RAD54B: variants seen among roughly 807,000 people sequenced by gnomAD.
RAD54B encodes the protein DNA repair and recombination protein RAD54B.
Under a neutral mutation model 95.8 loss-of-function variants are expected in RAD54B, and 78 were observed. That is an observed-to-expected ratio of 0.81 (90% CI 0.68 to 0.98). The LOEUF is 0.98. Among genes scored for constraint, RAD54B ranks in the 50% least tolerant of loss-of-function variants. The probability of loss-of-function intolerance (pLI) is 0.00; values close to 1 mark genes in which losing one functional copy is unlikely to be tolerated. For missense variants in RAD54B, 957 were observed against 1,056.6 expected, an observed-to-expected ratio of 0.91 and a Z score of 1.31; for synonymous variants, 328 against 354.9, an observed-to-expected ratio of 0.92 and a Z score of 0.85.
chr8:94,422,108 C>T (rs1045653188), intron 3 of RAD54B, among the ~76,000 whole-genome samples: 5 of 152,094 alleles, frequency 3.3e-5, no homozygotes, highest in African/African-American at 1.2e-4. Flanking sequence ...ATTACCTCAA[C>T]ATTATCTCAA....
chr8:94,454,969 C>T (rs1563663740), intron 3 of RAD54B, among the ~76,000 whole-genome samples: 1 of 152,094 alleles, frequency 6.6e-6, no homozygotes, highest in South Asian at 2.1e-4. Flanking sequence ...TTTAATCTTC[C>T]ACTCTTCACT....
At chr8:94,381,305 G>C (rs1563635149) in intron 11 of RAD54B, among the ~76,000 whole-genome samples, 1 of 152,156 alleles carries the variant, frequency 6.6e-6, no homozygotes, top group Non-Finnish European at 1.5e-5. Flanking sequence ...TCCACAGATA[G>C]GGAGTCCCCA....
intron 3 of RAD54B, among the ~76,000 whole-genome samples, chr8:94,411,751 T>C (rs1373282849): frequency 4.4e-5 from 5 of 114,832 alleles, no homozygotes; most frequent in African/African-American, 1.3e-4. Flanking sequence ...GAAATTTTTG[T>C]TTATTTAATT....
At chr8:94,422,618 ATATATATATATATATATATAT>A (rs1349836725) in intron 3 of RAD54B, among the ~76,000 whole-genome samples, 1 of 24,140 alleles carries the variant, frequency 4.1e-5, no homozygotes, top group Non-Finnish European at 6.8e-5. Context: ...AAAAAAAAAA[ATATATATATATATATATATAT>A]ATATATATAT....
chr8:94,417,494 AACTG>A (rs1299409176), intron 3 of RAD54B, among the ~76,000 whole-genome samples: 1 of 151,420 alleles, frequency 6.6e-6, no homozygotes, highest in Non-Finnish European at 1.5e-5. Context: ...AAAAAAAAAA[AACTG>A]ACCACAGTAA....
chr8:94,471,370 T>A (rs1813168331), intron 1 of RAD54B, among the ~76,000 whole-genome samples: 1 of 152,134 alleles, frequency 6.6e-6, no homozygotes, highest in Non-Finnish European at 1.5e-5. Flanking sequence ...CTCATTCTAA[T>A]TTTTACAAAA....
chr8:94,439,477 T>A (rs1372035951), intron 3 of RAD54B, among the ~76,000 whole-genome samples: 1 of 152,198 alleles, frequency 6.6e-6, no homozygotes, highest in Non-Finnish European at 1.5e-5. Flanking sequence ...TCAAACTCTG[T>A]ATAAAATATT....
intron 8 of RAD54B, among the ~76,000 whole-genome samples, chr8:94,399,051 T>C (rs780157269): frequency 6.6e-6 from 1 of 152,152 alleles, no homozygotes; most frequent in Non-Finnish European, 1.5e-5. Flanking sequence ...CAAAGTTAGA[T>C]GGTATTATCA....
chr8:94,391,189 T>C (rs1811008147), intron 10 of RAD54B, among the ~76,000 whole-genome samples: 1 of 152,132 alleles, frequency 6.6e-6, no homozygotes, highest in African/African-American at 2.4e-5. Flanking sequence ...CTGAATTTTC[T>C]AAATTTTATG....
Position 94,380,263 on chromosome 8 carries a change from T to C in RAD54B, c.2129A>G (p.His710Arg), listed in dbSNP as rs1469522083. The change falls in exon 12 of 15, where the codon CAC (histidine) becomes CGC (arginine). Residue 710 changes from histidine (H) to arginine (R), a missense_variant. His to Arg is a conservative substitution (Grantham distance 29). Transcript: ENST00000336148. ...QQIVDGFNSQ[H>R]SSFFIFLLSS... is the part of the protein sequence containing the mutation. The stretch of plus-strand genomic sequence containing the variant: ...TAACAAAAAAATAAAAAAAGAAGAG[T>C]GTTGACTGTTAAAGCCATCAACAAT... The C allele has an allele frequency of 6.2e-7, 1 of 1,613,882 alleles. No individual in the cohort carries two copies. Among genetic ancestry groups the C allele is most frequent in the Admixed American group, 1.7e-5 (1 of 60,008 alleles).
intron 5 of RAD54B, among the ~76,000 whole-genome samples, chr8:94,404,744 T>C (rs1448231477): frequency 6.6e-6 from 1 of 152,182 alleles, no homozygotes; most frequent in Non-Finnish European, 1.5e-5. Context: ...GAAAAAATGA[T>C]AAATTCTCCA....
At chr8:94,394,011 GC>G in intron 8 of RAD54B, 129 bp from the exon 9 acceptor site, 1 of 824,116 alleles carries the variant, frequency 1.2e-6, no homozygotes. Flanking sequence ...CAAGCAAATT[GC>G]CTAAAACTAA....
chr8:94,469,274 G>A (rs1813109833), intron 1 of RAD54B, among the ~76,000 whole-genome samples: 1 of 152,018 alleles, frequency 6.6e-6, no homozygotes, highest in Admixed American at 6.6e-5. Context: ...CCATGTCAAG[G>A]GCAGGGCCTA....
chr8:94,471,661 C>G (rs1016060157), intron 1 of RAD54B, among the ~76,000 whole-genome samples: 8 of 151,808 alleles, frequency 5.3e-5, no homozygotes, highest in African/African-American at 1.9e-4. Context: ...CAACATTAAC[C>G]CTAATTATTT....
Position 94,462,249 on chromosome 8 carries a change from C to T in RAD54B, c.136-3813G>A, listed in dbSNP as rs1281757884. On this transcript the variant is annotated intron_variant, in intron 2 of 14. Coordinates refer to ENST00000336148, the MANE Select transcript of RAD54B (RefSeq NM_012415.3). ...TGATCACTGATTAAGGTGGTGTCTG[C>T]CAAAGTATTTTTCCCTTTGTAATTT... Among the ~76,000 whole-genome samples, 6 of 152,184 alleles carry T rather than the reference C, an allele frequency of 3.9e-5. No homozygotes were observed. The East Asian group carries it at 9.7e-4, about 24-fold the overall frequency.
At chr8:94,468,243 A>C (rs1453590641) in intron 1 of RAD54B, among the ~76,000 whole-genome samples, 1 of 152,100 alleles carries the variant, frequency 6.6e-6, no homozygotes, top group Non-Finnish European at 1.5e-5. Context: ...GTTACATGAA[A>C]GCCATCACAG....
At chr8:94,427,767 C>A in intron 3 of RAD54B, 1 of 964,904 alleles carries the variant, frequency 1.0e-6, no homozygotes, top group Non-Finnish European at 1.2e-6. Flanking sequence ...AAGCATTTAA[C>A]CATCATTATC....
chr8:94,407,441 G>A lies in RAD54B; in HGVS notation c.779C>T (p.Pro260Leu). The A allele has an allele frequency of 6.3e-7, 1 of 1,594,034 alleles. No homozygotes were observed. Among genetic ancestry groups the A allele is most frequent in the East Asian group, 2.3e-5 (1 of 44,382 alleles). Residue 260 changes from proline to leucine, a missense_variant and splice_region_variant, in exon 5 of 15, where the codon CCA becomes CTA. Physicochemically the swap from Pro to Leu is moderately conservative, Grantham distance 98 (BLOSUM62 -3). Coordinates refer to ENST00000336148, the MANE Select transcript of RAD54B (RefSeq NM_012415.3). The part of the protein sequence containing the change: ...NCKPRHDPYT[P>L]NSLVMPRPDK... Reference sequence around the variant, plus strand: ...TCAAATTATTTTTAAAATCTTACTTGGCGTATATGGGTCATGGCGTGGTTT... The same window carrying A: ...TCAAATTATTTTTAAAATCTTACTTAGCGTATATGGGTCATGGCGTGGTTT...
chr8:94,439,340 C>G (rs1359799825), intron 3 of RAD54B, among the ~76,000 whole-genome samples: 2 of 152,194 alleles, frequency 1.3e-5, no homozygotes, highest in African/African-American at 4.8e-5. Flanking sequence ...TGGAAGCAAT[C>G]TAAAAGCACA....
Sources: allele counts gnomAD v4.1 joint callset (sites outside exome capture counted in the v4.1 genomes callset), GRCh38; gene constraint gnomAD v4.1.1; transcripts MANE v1.5; gene names NCBI Gene and HGNC (gene_info 2026-07-23, HGNC 2026-07-21).